LIMCH1: variants seen among roughly 807,000 people sequenced by gnomAD.
LIMCH1 encodes the protein LIM and calponin homology domains-containing protein 1.
Under a neutral mutation model 176.5 loss-of-function variants are expected in LIMCH1, and 113 were observed. The ratio of observed to expected loss-of-function variants is 0.64; its 90% CI spans 0.55 to 0.75. The LOEUF is 0.75. Ranked by LOEUF, LIMCH1 falls within the 30% of genes least tolerant of loss-of-function variation. The pLI is 0.00. For missense variants in LIMCH1, 1,674 were observed against 1,814.9 expected (o/e 0.92, Z 1.41); for synonymous variants, 619 against 645.9 (o/e 0.96, Z 0.63).
At chr4:41,603,932 A>G (rs1200827927) in intron 3 of LIMCH1, 27 bp downstream of exon 3, 14 of 1,585,786 alleles carry the variant, frequency 8.8e-6, no homozygotes, top group Non-Finnish European at 1.2e-5. Context: ...CCAAACTTGT[A>G]TCTTTGATGG....
At chr4:41,522,714 C>T (rs535224894) in intron 2 of LIMCH1, among the ~76,000 whole-genome samples, 3 of 152,094 alleles carry the variant, frequency 2.0e-5, no homozygotes, top group Non-Finnish European at 4.4e-5. Flanking sequence ...AATTTGGGTT[C>T]TGGGCCTGAG....
chr4:41,571,761 T>A (rs2083597387), intron 1 of LIMCH1, among the ~76,000 whole-genome samples: 1 of 152,062 alleles, frequency 6.6e-6, no homozygotes, highest in Non-Finnish European at 1.5e-5. Flanking sequence ...AATGACAAGA[T>A]TCAAAGTGGG....
At chr4:41,564,299 C>T (rs2082432021) in intron 1 of LIMCH1, among the ~76,000 whole-genome samples, 1 of 152,268 alleles carries the variant, frequency 6.6e-6, no homozygotes, top group African/African-American at 2.4e-5. Context: ...CCCATTTGCT[C>T]TGGCGGCAGA....
In LIMCH1 at chr4:41,476,395, C is replaced by T. The variant is rs190182194; in HGVS notation, c.97-18141C>T. ...AGCACTTGTTCTTCATTGCTGTGGG[C>T]GTTGTTCGTGGAGGTGGAGGTAAGG... On this transcript the variant is annotated intron_variant, in intron 1 of 26. Coordinates refer to the LIMCH1 transcript ENST00000313860. 3.2e-3 allele frequency among the ~76,000 whole-genome samples: 493 copies of T among 152,240 alleles called. 1 individual carries two copies. The highest frequency in any genetic ancestry group is 4.2e-3 in the Non-Finnish European group (288 of 68,030).
intron 1 of LIMCH1, among the ~76,000 whole-genome samples, chr4:41,374,796 GCCTCCACA>G (rs573895304): frequency 3.9e-4 from 59 of 152,170 alleles, no homozygotes; most frequent in Admixed American, 1.1e-3. Context: ...TTTACATAGG[GCCTCCACA>G]CCTGCCCTAC....
At chr4:41,521,626 A>G (rs1342363096) in intron 2 of LIMCH1, among the ~76,000 whole-genome samples, 2 of 152,156 alleles carry the variant, frequency 1.3e-5, no homozygotes, top group African/African-American at 2.4e-5. Context: ...TGTGAATTCA[A>G]TGTTATCTTT....
At chr4:41,486,947 GAT>G (rs991031026) in intron 1 of LIMCH1, among the ~76,000 whole-genome samples, 28 of 135,360 alleles carry the variant, frequency 2.1e-4, no homozygotes, top group Non-Finnish European at 3.5e-4. Context: ...ACGCCCAGCT[GAT>G]ATATATATAT....
intron 1 of LIMCH1, among the ~76,000 whole-genome samples, chr4:41,442,632 C>G (rs1189379844): frequency 2.0e-5 from 3 of 152,210 alleles, no homozygotes; most frequent in Non-Finnish European, 2.9e-5. Context: ...TACTCTCTCT[C>G]CATTTTGGTT....
intron 23 of LIMCH1, 103 bp downstream of exon 23, chr4:41,676,565 A>G: frequency 2.3e-6 from 2 of 861,056 alleles, no homozygotes. Flanking sequence ...GAATCAAGTT[A>G]TTCTCGGAAG....
chr4:41,430,526 TGCTGGGATTACAGGCTTGA>T (rs2061508942), intron 1 of LIMCH1, among the ~76,000 whole-genome samples: 2 of 152,256 alleles, frequency 1.3e-5, no homozygotes. Flanking sequence ...CCTCCCAAAG[TGCTGGGATTACAGGCTTGA>T]GCCATCGGGC....
In LIMCH1 at chr4:41,646,474, A is replaced by C. The variant is rs767024736; in HGVS notation, c.2412-11A>C. On this transcript the variant is annotated splice_polypyrimidine_tract_variant and intron_variant, in intron 16 of 31. Coordinates refer to ENST00000503057, the MANE Select transcript of LIMCH1 (RefSeq NM_001330672.2). ...AGTTGACTTTGTTATTGCTTCTCCC[A>C]TGTCCTTTAGAGAGCGGAGAGAGAG... The C allele has an allele frequency of 1.2e-6, 2 of 1,607,736 alleles. No individual in the cohort carries two copies. Among genetic ancestry groups the C allele is most frequent in the Non-Finnish European group, 1.7e-6 (2 of 1,175,964 alleles).
rs747326492 is a variant in LIMCH1 at position 41,629,754 on chromosome 4, C to G, written c.1271+20C>G. ...GGCGAGGTGTGTCATGTTTCCCCCC[C>G]AGTTTCCCCCTGGCAGTCATGGTAT... On this transcript the variant is annotated intron_variant, in intron 9 of 31. Coordinates refer to ENST00000503057, the MANE Select transcript of LIMCH1 (RefSeq NM_001330672.2). 2.2e-5 allele frequency: 33 copies of G among 1,524,438 alleles called. No individual in the cohort carries two copies. The South Asian group carries it at 3.9e-4, about 18-fold the overall frequency. 94.4% of individuals were successfully genotyped at this position (1,524,438 alleles called of 1,614,324 possible).
chr4:41,642,524 TAC>T (rs1411095671), intron 14 of LIMCH1, among the ~76,000 whole-genome samples: 1 of 151,988 alleles, frequency 6.6e-6, no homozygotes, highest in Admixed American at 6.6e-5. Context: ...TATCGAGGAC[TAC>T]AGTTTCTTTC....
At chr4:41,487,001 C>T (rs900256396) in intron 1 of LIMCH1, among the ~76,000 whole-genome samples, 16 of 148,508 alleles carry the variant, frequency 1.1e-4, no homozygotes, top group South Asian at 2.2e-4. Flanking sequence ...CACACACACA[C>T]ATATATATAT....
At chr4:41,419,116 ACGTTT>A (rs1254167366) in intron 1 of LIMCH1, among the ~76,000 whole-genome samples, 2 of 148,486 alleles carry the variant, frequency 1.3e-5, no homozygotes, top group East Asian at 2.0e-4. Context: ...CTAAGTCACT[ACGTTT>A]TGTTTTATTT....
At chr4:41,367,433 T>C (rs1468075296) in intron 1 of LIMCH1, among the ~76,000 whole-genome samples, 1 of 152,068 alleles carries the variant, frequency 6.6e-6, no homozygotes, top group Non-Finnish European at 1.5e-5. Flanking sequence ...CTAGTGTGGC[T>C]GTTGGAGGCT....
intron 23 of LIMCH1, among the ~76,000 whole-genome samples, chr4:41,677,159 T>TAAA (rs749513054): frequency 8.4e-6 from 1 of 118,904 alleles, no homozygotes; most frequent in Non-Finnish European, 1.8e-5. Flanking sequence ...TGAGAATGTC[T>TAAA]AAAAAAAAAA....
chr4:41,503,990 C>G (rs2073821249), intron 2 of LIMCH1, among the ~76,000 whole-genome samples: 1 of 152,210 alleles, frequency 6.6e-6, no homozygotes, highest in Non-Finnish European at 1.5e-5. Context: ...CCAATGACAG[C>G]TCTTTGAGCA....
chr4:41,508,730 A>G (rs2074480838), intron 2 of LIMCH1, among the ~76,000 whole-genome samples: 1 of 152,200 alleles, frequency 6.6e-6, no homozygotes, highest in Admixed American at 6.5e-5. Flanking sequence ...GGAAACCAAG[A>G]GGGCTAAGAA....
Sources: allele counts gnomAD v4.1 joint callset (sites outside exome capture counted in the v4.1 genomes callset), GRCh38; gene constraint gnomAD v4.1.1; transcripts MANE v1.5; gene names NCBI Gene and HGNC (gene_info 2026-07-23, HGNC 2026-07-21).